NEBL: variants seen among roughly 807,000 people sequenced by gnomAD.
NEBL encodes the protein nebulette, also known as LIM and SH3 protein 2.
A neutral mutation model predicts 140.2 loss-of-function variants in NEBL; 122 were observed. The observed-to-expected ratio is 0.87, with a 90% CI of 0.75 to 1.01. The LOEUF (loss-of-function observed/expected upper bound fraction) is 1.01, where lower values mean the gene tolerates loss of function less well. Ranked by LOEUF, NEBL falls within the 50% of genes least tolerant of loss-of-function variation. The pLI is 0.00. For synonymous variants in NEBL, 436 were observed against 398.9 expected, an observed-to-expected ratio of 1.09 and a Z score of -1.11; for missense variants, 1,365 against 1,231.3, an observed-to-expected ratio of 1.11 and a Z score of -1.62.
At chr10:21,144,143 G>C (rs1336674036) in intron 2 of NEBL, among the ~76,000 whole-genome samples, 1 of 152,158 alleles carries the variant, frequency 6.6e-6, no homozygotes, top group Admixed American at 6.5e-5. Context: ...ACTGCCAAGG[G>C]GCTGTCACTC....
intron 3 of NEBL, among the ~76,000 whole-genome samples, chr10:21,233,272 T>C (rs966114019): frequency 4.6e-5 from 7 of 152,146 alleles, no homozygotes; most frequent in African/African-American, 1.7e-4. Flanking sequence ...GGTCTCGAAC[T>C]CCTGGGCTCA....
At chr10:20,855,071 A>C (rs1842924448) in intron 9 of NEBL, among the ~76,000 whole-genome samples, 2 of 151,876 alleles carry the variant, frequency 1.3e-5, no homozygotes, top group South Asian at 2.1e-4. Context: ...TACAAATACG[A>C]AATTAGCTGG....
At chr10:20,917,096 GACCT>G (rs1466722826) in intron 4 of NEBL, among the ~76,000 whole-genome samples, 2 of 152,150 alleles carry the variant, frequency 1.3e-5, no homozygotes, top group Non-Finnish European at 2.9e-5. Context: ...ATGGGAACTA[GACCT>G]GGTTTAGCCT....
At chr10:20,938,910 C>T (rs564386134) in intron 4 of NEBL, among the ~76,000 whole-genome samples, 1 of 152,158 alleles carries the variant, frequency 6.6e-6, no homozygotes, top group Non-Finnish European at 1.5e-5. Flanking sequence ...AAGAAATGAA[C>T]AAAACCTCCA....
At chr10:20,845,413 G>C in intron 11 of NEBL, 45 bp from the exon 12 acceptor site, 1 of 1,202,070 alleles carries the variant, frequency 8.3e-7, no homozygotes, top group Non-Finnish European at 1.2e-6. Context: ...AAATATCAGT[G>C]ACCATTGAAA....
At chr10:20,861,986 G>A (rs1369160505) in intron 7 of NEBL, among the ~76,000 whole-genome samples, 3 of 152,130 alleles carry the variant, frequency 2.0e-5, no homozygotes, top group Non-Finnish European at 4.4e-5. Context: ...TTAGCCTATA[G>A]CTAGGCAAAA....
intron 3 of NEBL, among the ~76,000 whole-genome samples, chr10:21,183,827 A>C (rs1413621005): frequency 6.6e-6 from 1 of 152,154 alleles, no homozygotes; most frequent in Non-Finnish European, 1.5e-5. Context: ...GGAAGGACCC[A>C]GTGAAAGGTA....
chr10:21,238,716 T>TAAAAA (rs35732687), intron 3 of NEBL, among the ~76,000 whole-genome samples: 19 of 94,484 alleles, frequency 2.0e-4, no homozygotes, highest in Non-Finnish European at 3.3e-4. Context: ...TCAAAAAAAT[T>TAAAAA]AAAAAAAAAA....
At chr10:20,888,426 CA>C (rs1846726253) in intron 3 of NEBL, among the ~76,000 whole-genome samples, 2 of 152,156 alleles carry the variant, frequency 1.3e-5, no homozygotes, top group Admixed American at 6.5e-5. Context: ...ATGAGACATG[CA>C]AGGACATAAT....
Position 20,859,717 on chromosome 10 carries a change from C to G in NEBL, c.794G>C (p.Ser265Thr). The G allele has an allele frequency of 1.9e-6, 3 of 1,573,520 alleles. No homozygotes were observed. The highest frequency in any genetic ancestry group is 2.6e-6 in the Non-Finnish European group (3 of 1,144,638). Residue 265 changes from serine (S) to threonine (T), a missense_variant, in exon 8 of 28, where the codon AGC becomes ACC. This residue lies in a region of NEBL where 1,323 missense variants were observed against 1,154.8 expected (regional missense o/e 1.15). Transcript: ENST00000377122. Reference protein sequence around the residue: ...RQNQLAATLASNVKYKKDIQN... With the variant: ...RQNQLAATLATNVKYKKDIQN... ...TTTCTATGAATTACAACTTACATTG[C>G]TCGCCAGTGTAGCAGCAAGCTGATT... is the stretch of plus-strand genomic sequence containing the variant.
At chr10:21,263,033 A>G (rs1397848644) in intron 1 of NEBL, among the ~76,000 whole-genome samples, 9 of 152,240 alleles carry the variant, frequency 5.9e-5, no homozygotes, top group Non-Finnish European at 1.3e-4. Flanking sequence ...CAGATGTATT[A>G]TCTACTTTGG....
chr10:21,171,429 G>C (rs1429386839), intron 2 of NEBL: 2 of 152,182 alleles, frequency 1.3e-5, no homozygotes, highest in African/African-American at 4.8e-5. Flanking sequence ...AAAGCAGTCT[G>C]GGGTAGGGGG....
rs1289246989 is a variant in NEBL, at chr10:21,199,212, A to G, written n.349-26735T>C. 2.0e-5 allele frequency among the ~76,000 whole-genome samples: 3 copies of G among 151,718 alleles called. No individual in the cohort carries two copies. In the East Asian group the frequency reaches 5.9e-4, roughly 30 times the overall value. ...GCCAAATTTTAATTTTTGTGTTTTTAGAGATGGGGGGGGTCTCACTATGTT... is the reference window on the plus strand; with the variant it reads ...GCCAAATTTTAATTTTTGTGTTTTTGGAGATGGGGGGGGTCTCACTATGTT... On this transcript the variant is annotated intron_variant and non_coding_transcript_variant, in intron 3 of 8. Transcript: ENST00000675702.
At chr10:20,899,509 C>T (rs1847754291), upstream of NEBL, 1 of 990,148 alleles carries the variant, frequency 1.0e-6, no homozygotes, top group Non-Finnish European at 1.4e-6. Context: ...AAAAACCAAA[C>T]ACCACGTGCA....
chr10:21,045,021 G>T (rs1428362855), intron 2 of NEBL, among the ~76,000 whole-genome samples: 2 of 152,190 alleles, frequency 1.3e-5, no homozygotes, highest in African/African-American at 4.8e-5. Flanking sequence ...ATTCTCAGAA[G>T]AACGTTAATT....
intron 3 of NEBL, among the ~76,000 whole-genome samples, chr10:21,244,852 A>C (rs1000982540): frequency 3.3e-5 from 5 of 151,842 alleles, no homozygotes; most frequent in East Asian, 3.9e-4. Flanking sequence ...CCTCTAAAAA[A>C]TAAAAGTAAA....
At chr10:20,994,755 A>C (rs749174635) in intron 3 of NEBL, among the ~76,000 whole-genome samples, 1 of 152,218 alleles carries the variant, frequency 6.6e-6, no homozygotes, top group Non-Finnish European at 1.5e-5. Flanking sequence ...TAAGCTAGAG[A>C]AAAAATGTTA....
intron 3 of NEBL, among the ~76,000 whole-genome samples, chr10:21,202,538 A>G (rs1371809740): frequency 7.3e-6 from 1 of 136,704 alleles, no homozygotes; most frequent in Non-Finnish European, 1.5e-5. Context: ...ATCTCAGCTC[A>G]CTGCAAGCTC....
chr10:20,821,494 A>G (rs957755985), intron 19 of NEBL, among the ~76,000 whole-genome samples: 1 of 152,192 alleles, frequency 6.6e-6, no homozygotes, highest in Non-Finnish European at 1.5e-5. Context: ...CATACCAGAT[A>G]AATACTACAA....
Sources: gnomAD v4.1 joint callset for allele counts (sites outside exome capture counted in the v4.1 genomes callset) on GRCh38, gnomAD v4.1.1 for gene constraint, gnomAD v4.1.1 regional missense constraint, MANE v1.5 for transcripts, NCBI Gene and HGNC (gene_info 2026-07-23, HGNC 2026-07-21) for gene names.